The following ASIC2 variants were observed in gnomAD, a reference collection of about 807,000 sequenced individuals.
The protein encoded by ASIC2 is acid-sensing ion channel 2.
In ASIC2, 25 loss-of-function variants were observed where a neutral mutation model predicts 57.3. The observed-to-expected ratio is 0.44, with a 90% CI of 0.32 to 0.61. The LOEUF is 0.61. ASIC2 is among the 20% of genes least tolerant of loss of function. The pLI, the probability that ASIC2 is intolerant of heterozygous loss-of-function variation, is 0.06. For synonymous variants in ASIC2, 319 were observed against 307.5 expected, an observed-to-expected ratio of 1.04 and a Z score of -0.39; for missense variants, 641 against 738.1, an observed-to-expected ratio of 0.87 and a Z score of 1.52.
At chr17:33,608,232 C>A (rs925814608) in intron 1 of ASIC2, among the ~76,000 whole-genome samples, 2 of 152,128 alleles carry the variant, frequency 1.3e-5, no homozygotes, top group African/African-American at 4.8e-5. Flanking sequence ...TGAGAAGGAT[C>A]AAGCTCACAC....
At chr17:33,892,039 C>A (rs1365870260) in intron 1 of ASIC2, among the ~76,000 whole-genome samples, 1 of 152,180 alleles carries the variant, frequency 6.6e-6, no homozygotes, top group East Asian at 1.9e-4. Context: ...GTTTATGAAT[C>A]TTTGCCTAGA....
intron 1 of ASIC2, among the ~76,000 whole-genome samples, chr17:33,388,660 C>T (rs887185954): frequency 2.0e-5 from 3 of 152,250 alleles, no homozygotes; most frequent in African/African-American, 7.2e-5. Context: ...ACCTGCCTCT[C>T]ATGGTAATTG....
chr17:33,377,590 C>A (rs1390339143), intron 1 of ASIC2, among the ~76,000 whole-genome samples: 1 of 152,230 alleles, frequency 6.6e-6, no homozygotes, highest in Non-Finnish European at 1.5e-5. Flanking sequence ...GTGATTTCCC[C>A]AATATAATTC....
intron 1 of ASIC2, among the ~76,000 whole-genome samples, chr17:33,459,443 A>C (rs904429675): frequency 6.6e-6 from 1 of 152,182 alleles, no homozygotes; most frequent in Non-Finnish European, 1.5e-5. Context: ...GAAACCACAC[A>C]CATCATTAAA....
intron 1 of ASIC2, among the ~76,000 whole-genome samples, chr17:33,272,787 T>G (rs548489041): frequency 6.6e-6 from 1 of 152,352 alleles, no homozygotes; most frequent in Admixed American, 6.5e-5. Flanking sequence ...TTTTATAGAT[T>G]ATCTCTTTGG....
At chr17:33,358,010 A>T (rs1343193427) in intron 1 of ASIC2, among the ~76,000 whole-genome samples, 1 of 152,184 alleles carries the variant, frequency 6.6e-6, no homozygotes, top group Non-Finnish European at 1.5e-5. Flanking sequence ...CAAGTATCCC[A>T]GGTAGTTGTT....
rs1905491421 is a variant in ASIC2, at chr17:33,292,015, G to A, written c.101C>T (p.Ala34Val). ...TCTGCCGCCCCCGGGCTGCCCGGCA[G>A]CCGCCAACGCCGCGGGCGCCGGCTC... ...REEPAPAALA[A>V]AGQPGGGRGG... The change falls in exon 1 of 10, where the codon GCT (alanine) becomes GTT (valine). Residue 34 changes from alanine (A) to valine (V), a missense_variant. Transcript: ENST00000225823. 2 of 1,197,360 alleles carry A rather than the reference G, an allele frequency of 1.7e-6. No individual in the cohort carries two copies. The highest frequency in any genetic ancestry group is 9.2e-5 in the Admixed American group (2 of 21,818). 74.2% of individuals were successfully genotyped at this position (1,197,360 alleles called of 1,614,324 possible). A position where few individuals can be genotyped will look rare whatever the true frequency, so the allele number is the denominator to read the frequency against.
intron 1 of ASIC2, among the ~76,000 whole-genome samples, chr17:33,924,070 A>G (rs1224370751): frequency 6.6e-6 from 1 of 152,158 alleles, no homozygotes; most frequent in Non-Finnish European, 1.5e-5. Context: ...CTGTTTCCTC[A>G]TCTGCTGAAA....
chr17:33,974,120 GT>G (rs149280108), intron 1 of ASIC2, among the ~76,000 whole-genome samples: 1,882 of 149,882 alleles, frequency 0.013, 45 homozygotes, highest in African/African-American at 0.044. Flanking sequence ...GCTTTCTTAG[GT>G]TTTTTTTTTC....
chr17:33,307,283 C>T (rs933518591), intron 1 of ASIC2, among the ~76,000 whole-genome samples: 1 of 149,638 alleles, frequency 6.7e-6, no homozygotes, highest in Non-Finnish European at 1.5e-5. Context: ...CTTCCTTCTT[C>T]TTCTTCTTCT....
chr17:33,547,731 C>T (rs561641402), intron 1 of ASIC2, among the ~76,000 whole-genome samples: 8 of 152,312 alleles, frequency 5.3e-5, no homozygotes, highest in South Asian at 2.1e-4. Flanking sequence ...TTGCTGCCTT[C>T]GCCAGCTTCT....
At chr17:33,106,975 A>T (rs2092237582) in intron 2 of ASIC2, among the ~76,000 whole-genome samples, 1 of 152,172 alleles carries the variant, frequency 6.6e-6, no homozygotes, top group Non-Finnish European at 1.5e-5. Context: ...CTCATTCCTG[A>T]GGCTGTATCC....
At chr17:33,686,284 G>T (rs1908186228) in intron 1 of ASIC2, among the ~76,000 whole-genome samples, 1 of 152,130 alleles carries the variant, frequency 6.6e-6, no homozygotes. Context: ...TGTATTGGGG[G>T]CTGCAAAAAC....
intron 3 of ASIC2, among the ~76,000 whole-genome samples, chr17:33,041,884 G>A (rs1016185807): frequency 5.3e-5 from 8 of 152,166 alleles, no homozygotes; most frequent in East Asian, 1.9e-4. Context: ...ACTATACTCC[G>A]AGAGGCCCTA....
chr17:33,178,116 A>G (rs1470896049), intron 1 of ASIC2, among the ~76,000 whole-genome samples: 1 of 152,194 alleles, frequency 6.6e-6, no homozygotes, highest in Non-Finnish European at 1.5e-5. Flanking sequence ...GCATTGTATT[A>G]TATTCCTGAT....
In ASIC2 at chr17:33,446,086, C is replaced by T. The variant is rs1054415116; in HGVS notation, c.556-334019G>A. Among the ~76,000 whole-genome samples, 4 of 151,940 alleles carry T rather than the reference C, an allele frequency of 2.6e-5. No individual in the cohort carries two copies. In the East Asian group the frequency reaches 5.8e-4, roughly 22 times the overall value. On this transcript the variant is annotated intron_variant, in intron 1 of 9. Transcript: ENST00000359872. ...TGGAAGATGGAGTAGGAGACCATGTCTACCACACCGCTGAAAGAGATGGAT... is the reference window on the plus strand; with the variant it reads ...TGGAAGATGGAGTAGGAGACCATGTTTACCACACCGCTGAAAGAGATGGAT...
At chr17:33,723,389 T>A (rs1188648036) in intron 1 of ASIC2, among the ~76,000 whole-genome samples, 1 of 152,194 alleles carries the variant, frequency 6.6e-6, no homozygotes, top group Non-Finnish European at 1.5e-5. Context: ...AGTATAGCTG[T>A]GTGATCTCTG....
chr17:33,092,498 C>T (rs2092161490), intron 2 of ASIC2, among the ~76,000 whole-genome samples: 1 of 152,260 alleles, frequency 6.6e-6, no homozygotes, highest in Non-Finnish European at 1.5e-5. Context: ...TTGGGTGATG[C>T]TTCCTGGGAT....
chr17:33,650,029 C>T (rs2142038600), intron 1 of ASIC2, among the ~76,000 whole-genome samples: 1 of 152,190 alleles, frequency 6.6e-6, no homozygotes, highest in Non-Finnish European at 1.5e-5. Context: ...TTGAAAGACT[C>T]TCTTAAGAGG....
Sources: allele counts gnomAD v4.1 joint callset (sites outside exome capture counted in the v4.1 genomes callset), GRCh38; gene constraint gnomAD v4.1.1; transcripts MANE v1.5; gene names NCBI Gene and HGNC (gene_info 2026-07-23, HGNC 2026-07-21).